The following ZNF600 variants were observed in gnomAD, a reference collection of about 807,000 sequenced individuals.
ZNF600 encodes the protein zinc finger protein 600.
Under a neutral mutation model 7.3 loss-of-function variants are expected in ZNF600, and 4 were observed. That is an observed-to-expected ratio of 0.55 (90% CI 0.27 to 1.25). The LOEUF (loss-of-function observed/expected upper bound fraction) is 1.25, where lower values mean the gene tolerates loss of function less well. Among genes scored for constraint, ZNF600 ranks in the 50% most tolerant of loss-of-function variants. ZNF600 has a pLI of 0.12. For missense variants in ZNF600, 911 were observed against 922.1 expected, an observed-to-expected ratio of 0.99 and a Z score of 0.16; for synonymous variants, 290 against 308.9, an observed-to-expected ratio of 0.94 and a Z score of 0.64.
the ZNF600 span, among the ~76,000 whole-genome samples, chr19:52,827,854 G>A: frequency 6.6e-6 from 1 of 151,854 alleles, no homozygotes; most frequent in Non-Finnish European, 1.5e-5. Context: ...CTAGAAGATG[G>A]AATTTAAGCG....
At chr19:52,805,317 C>T in the ZNF600 span, 118,094 of 150,928 alleles carry the variant, frequency 0.78, 47,116 homozygotes, top group Non-Finnish European at 0.87. Flanking sequence ...GTAACTCCAA[C>T]CCACAAGCAT....
chr19:52,765,120 T>C (rs2062558094), exon 4 of ZNF600: 1 of 395,158 alleles, frequency 2.5e-6, no homozygotes, highest in Non-Finnish European at 5.1e-6. Flanking sequence ...AATGCTGGAC[T>C]GACTCTAGTG....
the ZNF600 span, among the ~76,000 whole-genome samples, chr19:52,829,166 ATTTTTATT>A: frequency 2.1e-4 from 30 of 145,176 alleles, 1 homozygote; most frequent in South Asian, 4.4e-4. Flanking sequence ...ACTCAGCCTT[ATTTTTATT>A]TTTTTCTTTT....
At chr19:52,828,846 T>C in the ZNF600 span, among the ~76,000 whole-genome samples, 156 of 152,210 alleles carry the variant, frequency 1.0e-3, no homozygotes, top group Non-Finnish European at 1.8e-3. Flanking sequence ...CCAGTGCCTT[T>C]ATTTTTATTT....
At chr19:52,832,702 G>T in the ZNF600 span, among the ~76,000 whole-genome samples, 1 of 152,124 alleles carries the variant, frequency 6.6e-6, no homozygotes, top group Admixed American at 6.5e-5. Context: ...GGAGTTTCAG[G>T]CTGCTGTAAA....
chr19:52,795,741 A>G, the ZNF600 span, among the ~76,000 whole-genome samples: 2 of 151,908 alleles, frequency 1.3e-5, no homozygotes, highest in Admixed American at 1.3e-4. Flanking sequence ...TAATTTCTAT[A>G]TTTTAGTCAA....
chr19:52,804,448 G>A, the ZNF600 span, among the ~76,000 whole-genome samples: 5 of 152,104 alleles, frequency 3.3e-5, no homozygotes, highest in Admixed American at 1.3e-4. Context: ...TTGGCGCACT[G>A]CAACCTCCAC....
the ZNF600 span, among the ~76,000 whole-genome samples, chr19:52,831,769 G>A: frequency 6.6e-6 from 1 of 151,994 alleles, no homozygotes; most frequent in Non-Finnish European, 1.5e-5. Flanking sequence ...CTCCCAAAGT[G>A]CTGGGATTAC....
intron 2 of ZNF600, among the ~76,000 whole-genome samples, chr19:52,778,109 G>A (rs2062691452): frequency 6.6e-6 from 1 of 151,814 alleles, no homozygotes; most frequent in African/African-American, 2.4e-5. Context: ...CACGTCCTGG[G>A]TTTAAGTGAT....
At chr19:52,822,440 C>A in the ZNF600 span, among the ~76,000 whole-genome samples, 1 of 152,084 alleles carries the variant, frequency 6.6e-6, no homozygotes, top group East Asian at 1.9e-4. Flanking sequence ...AAATCTTCCC[C>A]GAAATGAGAA....
chr19:52,833,219 C>A, the ZNF600 span, among the ~76,000 whole-genome samples: 1 of 152,156 alleles, frequency 6.6e-6, no homozygotes, highest in South Asian at 2.1e-4. Context: ...ATCTGGTCCA[C>A]GAAGAGCTGA....
At chr19:52,777,976 T>A (rs1427068545) in intron 2 of ZNF600, among the ~76,000 whole-genome samples, 1 of 152,162 alleles carries the variant, frequency 6.6e-6, no homozygotes, top group Admixed American at 6.6e-5. Context: ...TGTACCATTG[T>A]ACTCCAGAAC....
At chr19:52,799,114 C>T in the ZNF600 span, 4 of 414,930 alleles carry the variant, frequency 9.6e-6, no homozygotes, top group Admixed American at 3.7e-5. Flanking sequence ...GATTTCTCTG[C>T]AGTATGAAGA....
At chr19:52,819,876 T>G in the ZNF600 span, among the ~76,000 whole-genome samples, 1 of 142,370 alleles carries the variant, frequency 7.0e-6, no homozygotes, top group Non-Finnish European at 1.5e-5. Flanking sequence ...CTCTTGACCT[T>G]GAAAACAGGG....
intron 3 of ZNF600, among the ~76,000 whole-genome samples, chr19:52,772,696 C>T (rs1313026888): frequency 4.6e-5 from 7 of 152,170 alleles, no homozygotes; most frequent in African/African-American, 1.7e-4. Flanking sequence ...TGTTCATGGA[C>T]ATGACCCCAG....
At chr19:52,783,177 C>T (rs2062737097) in intron 1 of ZNF600, among the ~76,000 whole-genome samples, 1 of 151,932 alleles carries the variant, frequency 6.6e-6, no homozygotes, top group Non-Finnish European at 1.5e-5. Context: ...ATGCACCACA[C>T]TTAGACACAG....
intron 3 of ZNF600, among the ~76,000 whole-genome samples, chr19:52,768,573 T>C (rs1467871156): frequency 1.3e-5 from 2 of 152,138 alleles, no homozygotes; most frequent in Non-Finnish European, 2.9e-5. Context: ...TTTTTTGAGA[T>C]GGAGTCTTGC....
intron 3 of ZNF600, among the ~76,000 whole-genome samples, chr19:52,773,299 A>T (rs1173706678): frequency 6.6e-6 from 1 of 152,186 alleles, no homozygotes; most frequent in African/African-American, 2.4e-5. Flanking sequence ...CCCAAGGTTA[A>T]ATATTCAAAT....
chr19:52,817,744 T>G, the ZNF600 span, among the ~76,000 whole-genome samples: 2 of 152,064 alleles, frequency 1.3e-5, no homozygotes, highest in African/African-American at 2.4e-5. Context: ...CCATGCCCAG[T>G]GCAGCCTCTC....
Sources: gnomAD v4.1 joint callset for allele counts (sites outside exome capture counted in the v4.1 genomes callset) on GRCh38, gnomAD v4.1.1 for gene constraint, MANE v1.5 for transcripts, NCBI Gene and HGNC (gene_info 2026-07-23, HGNC 2026-07-21) for gene names.